The following MAGI1 variants were observed in gnomAD, a reference collection of about 807,000 sequenced individuals.
MAGI1 encodes the protein membrane associated guanylate kinase, WW and PDZ domain containing 1, also known as membrane-associated guanylate kinase, WW and PDZ domain-containing protein 1.
A neutral mutation model predicts 139.9 loss-of-function variants in MAGI1; 58 were observed. The ratio of observed to expected loss-of-function variants is 0.41; its 90% CI spans 0.34 to 0.52. The LOEUF (loss-of-function observed/expected upper bound fraction) is 0.52, where lower values mean the gene tolerates loss of function less well. MAGI1 is among the 20% of genes least tolerant of loss of function. MAGI1 has a pLI of 0.12. For missense variants in MAGI1, 1,874 were observed against 1,901.6 expected (o/e 0.99, Z 0.27); for synonymous variants, 812 against 737.9 (o/e 1.10, Z -1.63).
At chr3:65,468,716 C>T (rs200156210) in intron 5 of MAGI1, among the ~76,000 whole-genome samples, 11 of 152,050 alleles carry the variant, frequency 7.2e-5, no homozygotes, top group African/African-American at 2.7e-4. Flanking sequence ...TTTTCTCTAA[C>T]TCTCATATGT....
rs539003163 is a variant in MAGI1 at position 65,927,392 on chromosome 3, G to C, written c.313+110604C>G. Among the ~76,000 whole-genome samples the C allele has an allele frequency of 7.9e-5, 12 of 152,110 alleles. No individual in the cohort carries two copies. In the South Asian group the frequency reaches 2.5e-3, roughly 32 times the overall value. On this transcript the variant is annotated intron_variant, in intron 1 of 22. Coordinates refer to ENST00000402939, the MANE Select transcript of MAGI1 (RefSeq NM_001033057.2). ...AACATTTTCTCCACCACATAATCAC[G>C]CCCACTGAATGTGACCTGCAAAGGG...
intron 1 of MAGI1, among the ~76,000 whole-genome samples, chr3:65,903,553 G>A (rs995990735): frequency 5.9e-5 from 9 of 152,190 alleles, no homozygotes; most frequent in African/African-American, 1.2e-4. Context: ...GCACATACAC[G>A]CATGCCTGCA....
At chr3:65,734,091 A>T (rs1244340397) in intron 1 of MAGI1, among the ~76,000 whole-genome samples, 2 of 152,170 alleles carry the variant, frequency 1.3e-5, no homozygotes, top group Non-Finnish European at 2.9e-5. Flanking sequence ...GATTTTTCCC[A>T]TGGCTGACAG....
intron 2 of MAGI1, among the ~76,000 whole-genome samples, chr3:65,603,390 C>T (rs560024754): frequency 3.9e-5 from 6 of 152,176 alleles, no homozygotes; most frequent in East Asian, 1.9e-4. Context: ...ATGAAATTCA[C>T]GATGCTGCTT....
At chr3:66,033,825 T>C (rs540102549) in intron 1 of MAGI1, among the ~76,000 whole-genome samples, 2 of 152,338 alleles carry the variant, frequency 1.3e-5, no homozygotes, top group East Asian at 3.9e-4. Flanking sequence ...AAGCATGACC[T>C]GTAATACACC....
intron 1 of MAGI1, chr3:65,925,117 C>A (rs2062428912): frequency 6.6e-6 from 1 of 152,202 alleles, no homozygotes; most frequent in Non-Finnish European, 1.5e-5. Context: ...TCTGCCTCGT[C>A]TACTTCCATT....
chr3:65,448,848 T>G (rs1428688099), intron 6 of MAGI1, among the ~76,000 whole-genome samples: 1 of 152,038 alleles, frequency 6.6e-6, no homozygotes, highest in Non-Finnish European at 1.5e-5. Flanking sequence ...CAGTACAACA[T>G]TTTCTTATTG....
At chr3:65,572,085 G>A (rs2080985521) in intron 2 of MAGI1, among the ~76,000 whole-genome samples, 1 of 152,040 alleles carries the variant, frequency 6.6e-6, no homozygotes, top group Non-Finnish European at 1.5e-5. Flanking sequence ...AAACGAGGAA[G>A]GTAATCATCC....
At chr3:65,475,877 C>T (rs529514365) in intron 4 of MAGI1, among the ~76,000 whole-genome samples, 1 of 152,022 alleles carries the variant, frequency 6.6e-6, no homozygotes, top group African/African-American at 2.4e-5. Context: ...GTGAGACATA[C>T]CTTCTTCAAA....
At chr3:65,467,337 T>C (rs755842765) in intron 5 of MAGI1, among the ~76,000 whole-genome samples, 1 of 152,180 alleles carries the variant, frequency 6.6e-6, no homozygotes, top group Non-Finnish European at 1.5e-5. Context: ...GTAGATCTGG[T>C]TCTAATGCGG....
At chr3:65,501,765 G>C (rs2077092426) in intron 2 of MAGI1, among the ~76,000 whole-genome samples, 1 of 152,146 alleles carries the variant, frequency 6.6e-6, no homozygotes, top group African/African-American at 2.4e-5. Flanking sequence ...ATGTTTAGAA[G>C]AGCTTTATGC....
chr3:65,849,752 T>C (rs2059142297), intron 1 of MAGI1, among the ~76,000 whole-genome samples: 2 of 152,114 alleles, frequency 1.3e-5, no homozygotes, highest in Admixed American at 6.6e-5. Context: ...TACACAATGG[T>C]TAGACTGTGT....
chr3:65,382,247 G>A (rs1289356752), intron 15 of MAGI1, among the ~76,000 whole-genome samples, 178 bp from the exon 16 acceptor site: 1 of 152,138 alleles, frequency 6.6e-6, no homozygotes, highest in Non-Finnish European at 1.5e-5. Flanking sequence ...ATTCTTAAAT[G>A]GTGGAAAGAG....
At chr3:65,563,213 A>C (rs2080449311) in intron 2 of MAGI1, among the ~76,000 whole-genome samples, 1 of 152,226 alleles carries the variant, frequency 6.6e-6, no homozygotes, top group African/African-American at 2.4e-5. Context: ...ATTGGTTTAT[A>C]TAATATTTAA....
intron 1 of MAGI1, among the ~76,000 whole-genome samples, chr3:65,863,893 C>T (rs1461167037): frequency 6.6e-6 from 1 of 151,840 alleles, no homozygotes; most frequent in Non-Finnish European, 1.5e-5. Flanking sequence ...AGTGTCATTT[C>T]CTTAGAAACT....
chr3:65,678,641 A>C (rs985626867), intron 1 of MAGI1, among the ~76,000 whole-genome samples: 1 of 152,190 alleles, frequency 6.6e-6, no homozygotes, highest in Non-Finnish European at 1.5e-5. Context: ...GTTAACTGAC[A>C]CTAACCCACA....
At chr3:65,953,471 A>G (rs1560050087) in intron 1 of MAGI1, among the ~76,000 whole-genome samples, 2 of 152,272 alleles carry the variant, frequency 1.3e-5, no homozygotes, top group Admixed American at 1.3e-4. Context: ...CATACTTGGG[A>G]TTTAACCAGC....
At chr3:65,761,686 G>A (rs913070607) in intron 1 of MAGI1, among the ~76,000 whole-genome samples, 19 of 152,246 alleles carry the variant, frequency 1.2e-4, no homozygotes, top group African/African-American at 3.6e-4. Flanking sequence ...TTAACCAGCC[G>A]AGAATGAACC....
intron 12 of MAGI1, among the ~76,000 whole-genome samples, chr3:65,405,856 G>A (rs150232937): frequency 3.0e-5 from 4 of 134,170 alleles, no homozygotes; most frequent in Admixed American, 2.3e-4. Context: ...GCCTCCCAAC[G>A]TGCTGGGATT....
Sources: allele counts gnomAD v4.1 joint callset (sites outside exome capture counted in the v4.1 genomes callset), GRCh38; gene constraint gnomAD v4.1.1; transcripts MANE v1.5; gene names NCBI Gene and HGNC (gene_info 2026-07-23, HGNC 2026-07-21).